FHOD3: variants seen among roughly 807,000 people sequenced by gnomAD.
FHOD3 encodes the protein formin homology 2 domain containing 3.
A neutral mutation model predicts 173.0 loss-of-function variants in FHOD3; 90 were observed. The observed-to-expected ratio is 0.52, with a 90% CI of 0.44 to 0.62. The LOEUF is 0.62. FHOD3 is among the 20% of genes least tolerant of loss of function. FHOD3 has a pLI of 0.00. For missense variants in FHOD3, 1,945 were observed against 2,034.7 expected, an observed-to-expected ratio of 0.96 and a Z score of 0.85; for synonymous variants, 828 against 823.0, an observed-to-expected ratio of 1.01 and a Z score of -0.10.
chr18:36,749,651 G>A (rs1431619061), intron 24 of FHOD3, among the ~76,000 whole-genome samples: 2 of 152,174 alleles, frequency 1.3e-5, no homozygotes, highest in African/African-American at 4.8e-5. Context: ...GTGTGCATGT[G>A]TCTTTCTGGT....
chr18:36,709,127 G>A lies in FHOD3; in HGVS notation c.2269G>A (p.Ala757Thr). The change falls in exon 18 of 29, where the codon GCA (alanine) becomes ACA (threonine). Residue 757 changes from alanine to threonine, a missense_variant. By Grantham distance (58) the Ala-to-Thr change is moderately conservative. Around this residue, in one of 5 missense-constraint regions of FHOD3, gnomAD observed 1,099 missense variants for 1,051.2 expected, o/e 1.05. Transcript: ENST00000590592. ...CGGGGATCCTGAACCCGAATCAGAG[G>A]CAGAACCGGAAGCAGAGGCAGGGGC... ...SAGDPEPESE[A>T]EPEAEAGAGQ... is the part of the protein sequence containing the mutation. 1.2e-6 allele frequency: 2 copies of A among 1,613,720 alleles called. No homozygotes were observed. The highest frequency in any genetic ancestry group is 8.5e-7 in the Non-Finnish European group (1 of 1,179,668).
intron 5 of FHOD3, among the ~76,000 whole-genome samples, chr18:36,559,631 T>C (rs1273543643): frequency 1.3e-5 from 2 of 152,180 alleles, no homozygotes; most frequent in Non-Finnish European, 2.9e-5. Context: ...GTGTAAGGTT[T>C]GTGCCTCCCT....
chr18:36,415,821 A>G (rs558502322), intron 3 of FHOD3, among the ~76,000 whole-genome samples: 1 of 152,198 alleles, frequency 6.6e-6, no homozygotes, highest in South Asian at 2.1e-4. Flanking sequence ...AAGACTACAT[A>G]ATAAGGGTGG....
At chr18:36,693,518 T>A in intron 17 of FHOD3, 95 bp downstream of exon 17, 1 of 1,126,960 alleles carries the variant, frequency 8.9e-7, no homozygotes, top group Non-Finnish European at 1.3e-6. Context: ...AGGCTAATAC[T>A]GAGACAGCAA....
intron 2 of FHOD3, among the ~76,000 whole-genome samples, chr18:36,371,341 TCA>T (rs1212653121): frequency 2.6e-5 from 4 of 152,224 alleles, no homozygotes; most frequent in Non-Finnish European, 5.9e-5. Flanking sequence ...TTTAATGGAC[TCA>T]CAGTTCCTCA....
Position 36,760,726 on chromosome 18 carries a change from C to G in FHOD3, c.4568C>G (p.Ser1523Cys). ...MKAVLKTSSP[S>C]VEDATPALGV... Reference sequence around the variant, plus strand: ...GCTGTGCTGAAAACCTCGTCCCCCTCCGTGGAGGACGCCACCCCCGCGCTG... The same window carrying G: ...GCTGTGCTGAAAACCTCGTCCCCCTGCGTGGAGGACGCCACCCCCGCGCTG... The change falls in exon 27 of 29, where the codon TCC (serine) becomes TGC (cysteine). Residue 1523 changes from serine (S) to cysteine (C), a missense_variant. By Grantham distance (112) the Ser-to-Cys change is moderately radical. Transcript: ENST00000590592. 6.2e-7 allele frequency: 1 copy of G among 1,613,110 alleles called. No individual in the cohort carries two copies. The highest frequency in any genetic ancestry group is 2.2e-5 in the East Asian group (1 of 44,872).
chr18:36,639,574 A>G (rs1169211420), intron 10 of FHOD3, among the ~76,000 whole-genome samples: 3 of 151,878 alleles, frequency 2.0e-5, no homozygotes. Context: ...GAGGCAGGAG[A>G]ATGGCGTGAA....
At chr18:36,670,638 T>C (rs954063102) in intron 14 of FHOD3, among the ~76,000 whole-genome samples, 2 of 152,248 alleles carry the variant, frequency 1.3e-5, no homozygotes, top group African/African-American at 2.4e-5. Context: ...ACTAATTCTA[T>C]CATCTGTGTC....
chr18:36,780,138 T>G lies in FHOD3; in HGVS notation c.*608T>G, dbSNP rs79868677. On this transcript the variant is annotated 3_prime_UTR_variant, in exon 29 of 29. Transcript: ENST00000590592. The stretch of plus-strand genomic sequence containing the variant: ...CCTCTTCAGAATGGCAAAACTCTTC[T>G]CAGTGTCCTCAGAAGCACCCTCGCT... 1,020 of 1,232,146 alleles carry G rather than the reference T, an allele frequency of 8.3e-4. 9 individuals carry two copies. The East Asian group carries it at 0.026, about 32-fold the overall frequency. 76.3% of individuals were successfully genotyped at this position (1,232,146 alleles called of 1,614,324 possible).
intron 19 of FHOD3, among the ~76,000 whole-genome samples, chr18:36,723,306 G>C (rs772195241): frequency 6.6e-6 from 1 of 152,146 alleles, no homozygotes; most frequent in Non-Finnish European, 1.5e-5. Context: ...TTTTATTTCT[G>C]ACTAAGGATT....
chr18:36,463,244 A>G (rs1327997515), intron 3 of FHOD3, among the ~76,000 whole-genome samples: 1 of 150,570 alleles, frequency 6.6e-6, no homozygotes, highest in Non-Finnish European at 1.5e-5. Context: ...TTGAATAAAT[A>G]GGAATTATTT....
At chr18:36,537,703 C>T (rs1464970830) in intron 5 of FHOD3, among the ~76,000 whole-genome samples, 1 of 152,106 alleles carries the variant, frequency 6.6e-6, no homozygotes, top group Non-Finnish European at 1.5e-5. Flanking sequence ...ATACATGAAG[C>T]AAAAACTGAT....
intron 19 of FHOD3, among the ~76,000 whole-genome samples, chr18:36,730,360 CAG>C (rs1437213733): frequency 1.3e-5 from 2 of 152,248 alleles, no homozygotes; most frequent in East Asian, 1.9e-4. Flanking sequence ...ATGGAAAAAA[CAG>C]ATTTTTTTTT....
chr18:36,353,432 T>A (rs2046222803), intron 1 of FHOD3, among the ~76,000 whole-genome samples: 2 of 152,350 alleles, frequency 1.3e-5, no homozygotes, highest in South Asian at 4.1e-4. Context: ...TGCATTTCTC[T>A]TGTTGAGGAT....
At chr18:36,515,319 G>A (rs1170019619) in intron 5 of FHOD3, among the ~76,000 whole-genome samples, 3 of 152,102 alleles carry the variant, frequency 2.0e-5, no homozygotes, top group Non-Finnish European at 4.4e-5. Context: ...CCAGGTTCAC[G>A]CCATTATCCT....
chr18:36,373,709 A>G (rs968188182), intron 3 of FHOD3, among the ~76,000 whole-genome samples: 1 of 152,214 alleles, frequency 6.6e-6, no homozygotes, highest in Admixed American at 6.5e-5. Flanking sequence ...AGGATTGGTA[A>G]TCTTGTTGGA....
intron 3 of FHOD3, among the ~76,000 whole-genome samples, chr18:36,426,196 G>A (rs573898545): frequency 1.3e-5 from 2 of 152,182 alleles, no homozygotes; most frequent in Non-Finnish European, 2.9e-5. Context: ...GAGCCACCGC[G>A]CCCGGCCTTC....
At chr18:36,667,419 TAAAC>T (rs1446125564) in intron 14 of FHOD3, among the ~76,000 whole-genome samples, 1 of 152,170 alleles carries the variant, frequency 6.6e-6, no homozygotes. Flanking sequence ...TAATATAAGA[TAAAC>T]AAAGATAGAG....
chr18:36,331,813 C>T (rs781189416), intron 1 of FHOD3, among the ~76,000 whole-genome samples: 25 of 151,946 alleles, frequency 1.6e-4, no homozygotes, highest in Admixed American at 1.3e-3. Context: ...AGTGGGGCAC[C>T]GGTGCAGGCA....
Sources: allele counts gnomAD v4.1 joint callset (sites outside exome capture counted in the v4.1 genomes callset), GRCh38; gene constraint gnomAD v4.1.1; regional missense constraint gnomAD v4.1.1; transcripts MANE v1.5; gene names NCBI Gene and HGNC (gene_info 2026-07-23, HGNC 2026-07-21).